Variants in PRDM11 observed in about 807,000 individuals in gnomAD.
PRDM11 encodes PR domain-containing protein 11.
A neutral mutation model predicts 97.8 loss-of-function variants in PRDM11; 20 were observed. The ratio of observed to expected loss-of-function variants is 0.20; its 90% CI spans 0.14 to 0.30. The LOEUF (loss-of-function observed/expected upper bound fraction) is 0.30, where lower values mean the gene tolerates loss of function less well. Ranked by LOEUF, PRDM11 falls within the 10% of genes least tolerant of loss-of-function variation. The pLI is 1.00. For synonymous variants in PRDM11, 599 were observed against 637.7 expected (o/e 0.94, Z 0.91); for missense variants, 1,139 against 1,555.2 (o/e 0.73, Z 4.50).
chr11:45,197,008 C>G (rs1853146510), intron 4 of PRDM11, among the ~76,000 whole-genome samples: 1 of 151,696 alleles, frequency 6.6e-6, no homozygotes, highest in Admixed American at 6.6e-5. Flanking sequence ...ATGTGATGAG[C>G]AGATCACAGC....
chr11:45,135,827 A>G (rs571407623), intron 1 of PRDM11, among the ~76,000 whole-genome samples: 4 of 152,340 alleles, frequency 2.6e-5, no homozygotes, highest in African/African-American at 9.6e-5. Flanking sequence ...TAACGATGAG[A>G]AAAACATCAG....
chr11:45,193,017 G>A (rs886159313), intron 4 of PRDM11, among the ~76,000 whole-genome samples: 5 of 152,326 alleles, frequency 3.3e-5, no homozygotes, highest in Admixed American at 3.3e-4. Context: ...TGTTCAGTGT[G>A]ATATCTTTAC....
At chr11:45,097,941 G>A (rs1389499780) in intron 1 of PRDM11, among the ~76,000 whole-genome samples, 1 of 152,272 alleles carries the variant, frequency 6.6e-6, no homozygotes, top group East Asian at 1.9e-4. Context: ...ATTGGCAAAG[G>A]TGCCAAAGAA....
intron 4 of PRDM11, among the ~76,000 whole-genome samples, chr11:45,194,200 G>A (rs990731177): frequency 2.0e-5 from 3 of 152,142 alleles, no homozygotes; most frequent in Non-Finnish European, 2.9e-5. Context: ...GTACTCTTGC[G>A]GGTGCAGAAA....
chr11:45,096,454 G>A (rs1324098008), intron 1 of PRDM11, among the ~76,000 whole-genome samples: 1 of 152,128 alleles, frequency 6.6e-6, no homozygotes, highest in Non-Finnish European at 1.5e-5. Flanking sequence ...GAGATTATAG[G>A]TGACATAATC....
chr11:45,101,435 A>C (rs73464505), intron 1 of PRDM11, among the ~76,000 whole-genome samples: 1 of 151,874 alleles, frequency 6.6e-6, no homozygotes, highest in Non-Finnish European at 1.5e-5. Context: ...CTGCACCTGT[A>C]GTCCCAGCCA....
intron 6 of PRDM11, among the ~76,000 whole-genome samples, chr11:45,222,322 C>T (rs1427469064): frequency 2.6e-5 from 4 of 152,156 alleles, no homozygotes; most frequent in South Asian, 2.1e-4. Flanking sequence ...ATTTGAACAA[C>T]GTTGTTTTCA....
chr11:45,129,259 C>T (rs79385029), intron 1 of PRDM11, among the ~76,000 whole-genome samples: 4 of 152,098 alleles, frequency 2.6e-5, no homozygotes, highest in East Asian at 1.9e-4. Flanking sequence ...AGGCTACTAT[C>T]GCTACTTCTA....
intron 5 of PRDM11, among the ~76,000 whole-genome samples, chr11:45,210,644 C>T (rs1853696895): frequency 6.6e-6 from 1 of 152,250 alleles, no homozygotes; most frequent in Non-Finnish European, 1.5e-5. Context: ...TTGTGATCCA[C>T]TTGCTTCCTG....
At chr11:45,166,135 C>T (rs1224263746) in intron 1 of PRDM11, among the ~76,000 whole-genome samples, 3 of 152,236 alleles carry the variant, frequency 2.0e-5, no homozygotes, top group East Asian at 1.9e-4. Context: ...ATGGGCTCAG[C>T]AGAAGCTCTA....
At chr11:45,144,561 G>C (rs1338343599), upstream of PRDM11, among the ~76,000 whole-genome samples, 3 of 152,150 alleles carry the variant, frequency 2.0e-5, no homozygotes, top group Non-Finnish European at 4.4e-5. Context: ...TTGCTCTCTG[G>C]AGGATGGGAC....
intron 5 of PRDM11, among the ~76,000 whole-genome samples, chr11:45,205,046 C>T (rs1202716611): frequency 6.6e-6 from 1 of 152,182 alleles, no homozygotes; most frequent in Admixed American, 6.5e-5. Flanking sequence ...TCCTGGGCCC[C>T]AGGCTCCTGG....
intron 1 of PRDM11, among the ~76,000 whole-genome samples, chr11:45,103,620 T>C (rs1157732338): frequency 1.3e-5 from 2 of 151,776 alleles, no homozygotes; most frequent in East Asian, 3.8e-4. Context: ...TTTGAGGGTG[T>C]CAGAAATACT....
chr11:45,200,050 C>A (rs980225246), intron 4 of PRDM11, among the ~76,000 whole-genome samples: 1 of 152,234 alleles, frequency 6.6e-6, no homozygotes, highest in East Asian at 1.9e-4. Context: ...CAAAGACACT[C>A]TCTGCCTGGG....
rs73462499 is a variant in PRDM11 at position 45,097,737 on chromosome 11, G to A, written c.96+1836G>A. ...CCTGTAGGTGAGACAAGCAGGCTACGGAAAGCATGGAGCCGCCTTGTTGGC... is the reference window on the plus strand; with the variant it reads ...CCTGTAGGTGAGACAAGCAGGCTACAGAAAGCATGGAGCCGCCTTGTTGGC... On this transcript the variant is annotated intron_variant, in intron 1 of 6. Coordinates refer to the PRDM11 transcript ENST00000530656. 5.4e-3 allele frequency among the ~76,000 whole-genome samples: 820 copies of A among 152,328 alleles called. 4 individuals are homozygous for A. Among genetic ancestry groups the A allele is most frequent in the African/African-American group, 0.019 (790 of 41,568 alleles).
chr11:45,181,129 C>T (rs947862234), intron 1 of PRDM11, among the ~76,000 whole-genome samples: 20 of 152,282 alleles, frequency 1.3e-4, no homozygotes, highest in African/African-American at 4.3e-4. Flanking sequence ...CCCGGGGTGC[C>T]GAGGGAGGGG....
chr11:45,191,409 A>G (rs536818908), intron 4 of PRDM11, among the ~76,000 whole-genome samples: 3 of 152,148 alleles, frequency 2.0e-5, no homozygotes, highest in South Asian at 2.1e-4. Flanking sequence ...TCTCTTCTAC[A>G]TTTATTATTT....
At chr11:45,166,346 A>G (rs1285598462) in intron 1 of PRDM11, among the ~76,000 whole-genome samples, 1 of 152,154 alleles carries the variant, frequency 6.6e-6, no homozygotes, top group Non-Finnish European at 1.5e-5. Context: ...CTGCAATGAA[A>G]GGGCCCTTCT....
At chr11:45,212,553 T>G (rs1452643297) in intron 5 of PRDM11, 1 of 455,922 alleles carries the variant, frequency 2.2e-6, no homozygotes, top group African/African-American at 2.0e-5. Flanking sequence ...GAGGCCCACC[T>G]GGCCAGGCCC....
Sources: gnomAD v4.1 joint callset for allele counts (sites outside exome capture counted in the v4.1 genomes callset) on GRCh38, gnomAD v4.1.1 for gene constraint, MANE v1.5 for transcripts, NCBI Gene and HGNC (gene_info 2026-07-23, HGNC 2026-07-21) for gene names.